CACNA1C: variants seen among roughly 807,000 people sequenced by gnomAD.
CACNA1C encodes the protein voltage-dependent L-type calcium channel subunit alpha-1C.
CACNA1C carries 30 observed loss-of-function variants against 229.0 expected under a neutral mutation model. The ratio of observed to expected loss-of-function variants is 0.13; its 90% CI spans 0.10 to 0.18. CACNA1C has a LOEUF of 0.18. Among genes scored for constraint, CACNA1C ranks in the 10% least tolerant of loss-of-function variants. The probability of loss-of-function intolerance (pLI) is 1.00; values close to 1 mark genes in which losing one functional copy is unlikely to be tolerated. For synonymous variants in CACNA1C, 1,114 were observed against 1,132.5 expected (o/e 0.98, Z 0.33); for missense variants, 1,658 against 2,845.0 (o/e 0.58, Z 9.49).
chr12:2,044,040 T>C (rs967720597), intron 1 of CACNA1C, among the ~76,000 whole-genome samples: 9 of 152,194 alleles, frequency 5.9e-5, no homozygotes, highest in Non-Finnish European at 1.3e-4. Context: ...AAAAAAATGA[T>C]TACCAAGAGT....
In CACNA1C at chr12:2,493,444, C is replaced by T. The variant is rs2099740365; in HGVS notation, c.1113+58C>T. ...GGGAACAGCGGCCGTGAACCCTTCCCTGACACCTCCCTTTCTCCTCCTCCC... is the reference window on the plus strand; with the variant it reads ...GGGAACAGCGGCCGTGAACCCTTCCTTGACACCTCCCTTTCTCCTCCTCCC... On this transcript the variant is annotated intron_variant, in intron 7 of 46. Transcript: ENST00000399655. This position sits in a 1 kb window ranked among gnomAD's most constrained non-coding sequence, Gnocchi z 4.6. 7.7e-7 allele frequency: 1 copy of T among 1,297,928 alleles called. No individual in the cohort carries two copies. The highest frequency in any genetic ancestry group is 1.7e-5 in the Admixed American group (1 of 58,092). The allele number at this position is 1,297,928 out of a possible 1,614,324, so 80.4% of individuals were successfully genotyped here. A position where few individuals can be genotyped will look rare whatever the true frequency, so the allele number is the denominator to read the frequency against.
rs552013761 is a variant in CACNA1C, at chr12:2,691,102, G to C, written c.6320G>C (p.Arg2107Pro). ...AACTGCAGGGACGCGGGGCAGGACCGAGCCGGGGGCGAAGAGGACGCGGGC... is the reference window on the plus strand; with the variant it reads ...AACTGCAGGGACGCGGGGCAGGACCCAGCCGGGGGCGAAGAGGACGCGGGC... ...FVNCRDAGQD[R>P]AGGEEDAGCV... The change falls in exon 47 of 47, where the codon CGA (arginine) becomes CCA (proline). Residue 2107 changes from arginine to proline, a missense_variant. Coordinates refer to ENST00000399655, the MANE Select transcript of CACNA1C (RefSeq NM_000719.7). The C allele has an allele frequency of 1.2e-6, 2 of 1,611,890 alleles. No homozygotes were observed. The highest frequency in any genetic ancestry group is 2.2e-5 in the South Asian group (2 of 90,822).
In CACNA1C at chr12:2,123,668, A is replaced by C. The variant is rs545432832; in HGVS notation, c.477+3238A>C. ...CTTTTCCCTTGGCCGGGTTGATGGC[A>C]TTGCTGGCCTTGCTGTCACATGGAA... On this transcript the variant is annotated intron_variant, in intron 3 of 46. Coordinates refer to ENST00000399655, the MANE Select transcript of CACNA1C (RefSeq NM_000719.7). Among the ~76,000 whole-genome samples the C allele has an allele frequency of 3.9e-5, 6 of 152,112 alleles. 1 individual carries two copies. The highest frequency in any genetic ancestry group is 4.4e-5 in the Non-Finnish European group (3 of 68,026).
In CACNA1C at chr12:2,652,900, C is replaced by CCCCT. The variant is rs1569069813; in HGVS notation, c.4075-935_4075-934insCCCT. Among the ~76,000 whole-genome samples, 16 of 121,996 alleles carry CCCCT rather than the reference C, an allele frequency of 1.3e-4. No individual in the cohort carries two copies. In the East Asian group the frequency reaches 3.9e-3, roughly 30 times the overall value. The allele number at this position is 121,996 out of a possible 152,430, so 80.0% of individuals were successfully genotyped here. A position where few individuals can be genotyped will look rare whatever the true frequency, so the allele number is the denominator to read the frequency against. ...AGTTGCCATACTCTCCCTGCCCCCC[C>CCCCT]GACATCTCCTGGGGCTGGGAAGAGG... On this transcript the variant is annotated intron_variant, in intron 32 of 46. Transcript: ENST00000399655.
rs946108844 is a variant in CACNA1C at position 2,493,584 on chromosome 12, C to A, written c.1113+198C>A. 6.6e-6 allele frequency among the ~76,000 whole-genome samples: 1 copy of A among 152,224 alleles called. No homozygotes were observed. Among genetic ancestry groups the A allele is most frequent in the Non-Finnish European group, 1.5e-5 (1 of 68,010 alleles). ...ATGAGCTTTTCACCCTAACGAGTCCCCTCCCCCACCCGCCAGCCTTAGGGG... is the reference window on the plus strand; with the variant it reads ...ATGAGCTTTTCACCCTAACGAGTCCACTCCCCCACCCGCCAGCCTTAGGGG... On this transcript the variant is annotated intron_variant, in intron 7 of 46. Coordinates refer to ENST00000399655, the MANE Select transcript of CACNA1C (RefSeq NM_000719.7). The surrounding 1 kb of genome is among the most constrained non-coding windows in gnomAD (Gnocchi z 4.6).
Position 2,678,005 on chromosome 12 carries a change from A to T in CACNA1C, c.5091+138A>T. The T allele has an allele frequency of 4.0e-6, 4 of 989,932 alleles. No individual in the cohort carries two copies. The highest frequency in any genetic ancestry group is 6.0e-6 in the Non-Finnish European group (4 of 664,358). 61.3% of individuals were successfully genotyped at this position (989,932 alleles called of 1,614,324 possible). ...GGCTACTTCCAGGCTCTTCCTGATGAGCTGTCTCCTCACCCCTTTGCCTTT... is the reference window on the plus strand; with the variant it reads ...GGCTACTTCCAGGCTCTTCCTGATGTGCTGTCTCCTCACCCCTTTGCCTTT... On this transcript the variant is annotated intron_variant, in intron 41 of 46. Coordinates refer to ENST00000399655, the MANE Select transcript of CACNA1C (RefSeq NM_000719.7). This position sits in a 1 kb window ranked among gnomAD's most constrained non-coding sequence, Gnocchi z 4.1.
intron 3 of CACNA1C, among the ~76,000 whole-genome samples, chr12:2,435,652 A>G (rs550540293): frequency 2.2e-4 from 34 of 152,304 alleles, no homozygotes; most frequent in Admixed American, 2.2e-3. Context: ...GTCAACCATG[A>G]CATGCTGCAG....
In CACNA1C at chr12:2,354,736, G is replaced by T. The variant is rs1315797889; in HGVS notation, c.478-94240G>T. The stretch of plus-strand genomic sequence containing the variant: ...CAAGAGAATCCTGCATGTCACTTGG[G>T]CCTGACACCTGCTTTTGCCTTCTCC... On this transcript the variant is annotated intron_variant, in intron 3 of 46. Transcript: ENST00000399655. This position sits in a 1 kb window ranked among gnomAD's most constrained non-coding sequence, Gnocchi z 4.6. 1.3e-5 allele frequency among the ~76,000 whole-genome samples: 2 copies of T among 152,168 alleles called. No homozygotes were observed. Among genetic ancestry groups the T allele is most frequent in the East Asian group, 1.9e-4 (1 of 5,180 alleles).
At chr12:2,137,879 GGAGCGC>G (rs2093706154) in intron 3 of CACNA1C, among the ~76,000 whole-genome samples, 1 of 151,346 alleles carries the variant, frequency 6.6e-6, no homozygotes, top group African/African-American at 2.4e-5. Context: ...CCGGGGTCCG[GGAGCGC>G]CAGGCCAGTG....
At chr12:2,591,625 G>A (rs1465143038) in intron 18 of CACNA1C, among the ~76,000 whole-genome samples, 1 of 152,190 alleles carries the variant, frequency 6.6e-6, no homozygotes, top group East Asian at 1.9e-4. Context: ...AGAGGGAGAT[G>A]AAGCGCAGCT....
At chr12:1,992,935 TG>T in intron 1 of CACNA1C, 1 of 583,290 alleles carries the variant, frequency 1.7e-6, no homozygotes, top group Non-Finnish European at 3.0e-6. Flanking sequence ...CCTATGTGTG[TG>T]TCTCTGCAGT....
Position 2,566,379 on chromosome 12 carries a change from A to G in CACNA1C, c.1509-43A>G, listed in dbSNP as rs534697569. ...GCATCTTGGGTTGGAGGAAACCTGA[A>G]TTCACAGCCAACCCCACCCTTCTCT... On this transcript the variant is annotated intron_variant, in intron 11 of 46. Transcript: ENST00000399655. This position sits in a 1 kb window ranked among gnomAD's most constrained non-coding sequence, Gnocchi z 4.0. The G allele has an allele frequency of 3.4e-4, 519 of 1,525,236 alleles. 8 individuals carry two copies. In the South Asian group the frequency reaches 6.1e-3, roughly 18 times the overall value. 94.5% of individuals were successfully genotyped at this position (1,525,236 alleles called of 1,614,324 possible).
At chr12:2,635,248 C>T (rs892505529) in intron 30 of CACNA1C, among the ~76,000 whole-genome samples, 16 of 152,242 alleles carry the variant, frequency 1.1e-4, no homozygotes, top group African/African-American at 3.9e-4. Flanking sequence ...CCTGCCACCT[C>T]CTTCTCCCAA....
rs571084895 is a variant in CACNA1C at position 2,106,136 on chromosome 12, C to A, written c.50-9088C>A. Among the ~76,000 whole-genome samples the A allele has an allele frequency of 3.2e-4, 17 of 53,610 alleles. 2 individuals are homozygous for A. The highest frequency in any genetic ancestry group is 4.6e-4 in the African/African-American group (8 of 17,488). The allele number at this position is 53,610 out of a possible 152,430, so 35.2% of individuals were successfully genotyped here. ...ACCCTGGAGAGGGTTTCCACCTGAGCTGGGCGTCCTGAAGCCACTGGGCGC... is the reference window on the plus strand; with the variant it reads ...ACCCTGGAGAGGGTTTCCACCTGAGATGGGCGTCCTGAAGCCACTGGGCGC... On this transcript the variant is annotated intron_variant, in intron 1 of 46. Coordinates refer to ENST00000399655, the MANE Select transcript of CACNA1C (RefSeq NM_000719.7).
At chr12:2,433,840 A>G (rs1171595641) in intron 3 of CACNA1C, among the ~76,000 whole-genome samples, 1 of 152,134 alleles carries the variant, frequency 6.6e-6, no homozygotes, top group Non-Finnish European at 1.5e-5. Context: ...GTGTTTCTCC[A>G]AGTGTGGAAT....
At chr12:2,088,699 A>T (rs1315435125) in intron 1 of CACNA1C, among the ~76,000 whole-genome samples, 1 of 152,130 alleles carries the variant, frequency 6.6e-6, no homozygotes, top group African/African-American at 2.4e-5. Flanking sequence ...CCTCCCATGT[A>T]TCTGAAGGGC....
chr12:2,630,189 C>T lies in CACNA1C; in HGVS notation c.3829-4108C>T, dbSNP rs191064085. Among the ~76,000 whole-genome samples the T allele has an allele frequency of 5.3e-4, 81 of 152,294 alleles. No homozygotes were observed. The highest frequency in any genetic ancestry group is 2.6e-4 in the Non-Finnish European group (18 of 68,026). ...TTCTCAACCATTTGGGACACAGTCACCAGAGAAATAAGGGGCAACAGGTAT... is the reference window on the plus strand; with the variant it reads ...TTCTCAACCATTTGGGACACAGTCATCAGAGAAATAAGGGGCAACAGGTAT... On this transcript the variant is annotated intron_variant, in intron 29 of 46. Coordinates refer to ENST00000399655, the MANE Select transcript of CACNA1C (RefSeq NM_000719.7). The surrounding 1 kb of genome is among the most constrained non-coding windows in gnomAD (Gnocchi z 5.4).
chr12:2,432,482 G>A (rs2099095559), intron 3 of CACNA1C, among the ~76,000 whole-genome samples: 1 of 152,082 alleles, frequency 6.6e-6, no homozygotes, highest in Admixed American at 6.5e-5. Context: ...GATTTTCTGG[G>A]GTTCAGCTTC....
intron 3 of CACNA1C, among the ~76,000 whole-genome samples, chr12:2,385,203 C>T (rs1034679506): frequency 1.3e-5 from 2 of 152,148 alleles, no homozygotes; most frequent in Non-Finnish European, 2.9e-5. Flanking sequence ...ATCAGAGTCT[C>T]CATGCTGGAA....
Sources: allele counts gnomAD v4.1 joint callset (sites outside exome capture counted in the v4.1 genomes callset), GRCh38; gene constraint gnomAD v4.1.1; non-coding constraint Gnocchi (gnomAD v3.1); transcripts MANE v1.5; gene names NCBI Gene and HGNC (gene_info 2026-07-23, HGNC 2026-07-21).